The following PRKN variants were observed in gnomAD, a reference collection of about 807,000 sequenced individuals.
PRKN encodes the protein E3 ubiquitin-protein ligase parkin.
Under a neutral mutation model 59.5 loss-of-function variants are expected in PRKN, and 56 were observed. The observed-to-expected ratio is 0.94, with a 90% CI of 0.76 to 1.18. The LOEUF is 1.18. Among genes scored for constraint, PRKN ranks in the 50% most tolerant of loss-of-function variants. PRKN has a pLI of 0.00. For missense variants in PRKN, 657 were observed against 596.4 expected (o/e 1.10, Z -1.06); for synonymous variants, 250 against 222.1 (o/e 1.13, Z -1.12).
chr6:161,859,610 CA>C (rs57747027), intron 6 of PRKN, among the ~76,000 whole-genome samples: 2,193 of 90,314 alleles, frequency 0.024, 52 homozygotes, highest in African/African-American at 0.084. Context: ...GACTCTCTCT[CA>C]AAAAAAAAAA....
At chr6:162,311,481 C>CTTTTT (rs397886856) in intron 2 of PRKN, among the ~76,000 whole-genome samples, 1 of 128,536 alleles carries the variant, frequency 7.8e-6, no homozygotes, top group Non-Finnish European at 1.6e-5. Context: ...AATTTTTTTC[C>CTTTTT]TTTTTTTTTT....
chr6:161,651,401 GA>G (rs1784144936), intron 7 of PRKN, among the ~76,000 whole-genome samples: 1 of 152,164 alleles, frequency 6.6e-6, no homozygotes, highest in African/African-American at 2.4e-5. Context: ...TGTTCCTCCT[GA>G]ATAAGTCCCT....
At chr6:162,278,297 G>A (rs192201235) in intron 2 of PRKN, among the ~76,000 whole-genome samples, 46 of 152,274 alleles carry the variant, frequency 3.0e-4, no homozygotes, top group Middle Eastern at 3.4e-3. Context: ...ATGACGGAGG[G>A]ATGAATAGAG....
At chr6:162,241,753 C>T (rs1348659321) in intron 3 of PRKN, among the ~76,000 whole-genome samples, 2 of 151,998 alleles carry the variant, frequency 1.3e-5, no homozygotes, top group East Asian at 3.8e-4. Flanking sequence ...CATATATATA[C>T]AGGCTATTGA....
chr6:161,969,839 T>C (rs1377832384), intron 6 of PRKN, among the ~76,000 whole-genome samples: 1 of 152,178 alleles, frequency 6.6e-6, no homozygotes, highest in Non-Finnish European at 1.5e-5. Flanking sequence ...TGTTACCCTT[T>C]TTCTTTTCCT....
intron 8 of PRKN, among the ~76,000 whole-genome samples, chr6:161,553,038 C>T (rs971630852): frequency 2.6e-5 from 4 of 151,096 alleles, no homozygotes; most frequent in African/African-American, 9.7e-5. Flanking sequence ...ATCTGCCTGC[C>T]TCAGCCTCCC....
chr6:162,116,093 A>G (rs969888761), intron 4 of PRKN, among the ~76,000 whole-genome samples: 1 of 152,212 alleles, frequency 6.6e-6, no homozygotes, highest in African/African-American at 2.4e-5. Flanking sequence ...ACCCTTCAGC[A>G]AACTTCATGG....
intron 7 of PRKN, among the ~76,000 whole-genome samples, chr6:161,633,569 T>G (rs1417193961): frequency 6.6e-6 from 1 of 152,234 alleles, no homozygotes; most frequent in Non-Finnish European, 1.5e-5. Context: ...AGCCACATCA[T>G]ACTGTGGATA....
chr6:161,731,023 G>A (rs771161213), intron 7 of PRKN, among the ~76,000 whole-genome samples: 45 of 145,958 alleles, frequency 3.1e-4, no homozygotes, highest in Non-Finnish European at 4.7e-4. Context: ...TGCTGCATTC[G>A]TTCTGATATC....
intron 1 of PRKN, among the ~76,000 whole-genome samples, chr6:162,677,503 G>A (rs1779601439): frequency 7.1e-6 from 1 of 140,516 alleles, no homozygotes; most frequent in African/African-American, 2.6e-5. Flanking sequence ...CTTTGCACCT[G>A]AAATTATCAT....
intron 7 of PRKN, among the ~76,000 whole-genome samples, chr6:161,782,424 C>T (rs1008756203): frequency 1.1e-4 from 17 of 151,998 alleles, no homozygotes; most frequent in South Asian, 6.2e-4. Flanking sequence ...TTTTAATAAA[C>T]GTTTACCTTT....
intron 10 of PRKN, chr6:161,370,015 C>A: frequency 2.3e-6 from 1 of 441,910 alleles, no homozygotes; most frequent in South Asian, 1.6e-5. Context: ...ATGATCACCA[C>A]CATTATTACT....
intron 4 of PRKN, among the ~76,000 whole-genome samples, chr6:162,154,530 A>G (rs1381109939): frequency 1.3e-5 from 2 of 152,006 alleles, no homozygotes; most frequent in Non-Finnish European, 2.9e-5. Flanking sequence ...AGGAGAAAAA[A>G]AAAAAAAAGG....
chr6:162,427,819 G>C (rs576190963), intron 2 of PRKN, among the ~76,000 whole-genome samples: 9 of 151,784 alleles, frequency 5.9e-5, no homozygotes, highest in Non-Finnish European at 7.4e-5. Flanking sequence ...CTAATGTTTT[G>C]CATTTTTTTT....
At chr6:161,737,279 A>G (rs1788002471) in intron 7 of PRKN, among the ~76,000 whole-genome samples, 1 of 152,162 alleles carries the variant, frequency 6.6e-6, no homozygotes, top group African/African-American at 2.4e-5. Flanking sequence ...GGACTGCTTG[A>G]CCAGAACAAT....
At chr6:162,405,555 T>G (rs1421390358) in intron 2 of PRKN, among the ~76,000 whole-genome samples, 2 of 152,008 alleles carry the variant, frequency 1.3e-5, no homozygotes, top group Admixed American at 1.3e-4. Flanking sequence ...CCCCCAACAT[T>G]TACATGCTAA....
chr6:162,420,553 C>A (rs760985562), intron 2 of PRKN, among the ~76,000 whole-genome samples: 4 of 152,168 alleles, frequency 2.6e-5, no homozygotes, highest in Admixed American at 2.0e-4. Context: ...ACTCTTAAAA[C>A]TGCATTTATA....
intron 7 of PRKN, among the ~76,000 whole-genome samples, chr6:161,623,372 A>C (rs1782976902): frequency 6.6e-6 from 1 of 152,230 alleles, no homozygotes; most frequent in Non-Finnish European, 1.5e-5. Context: ...AATAATAGAT[A>C]CAAAAAGGAT....
At chr6:162,395,198 C>A (rs1583496220) in intron 2 of PRKN, among the ~76,000 whole-genome samples, 2 of 152,298 alleles carry the variant, frequency 1.3e-5, no homozygotes, top group Admixed American at 6.5e-5. Flanking sequence ...TACCTTCCCA[C>A]AATGAATTAT....
Sources: gnomAD v4.1 joint callset for allele counts (sites outside exome capture counted in the v4.1 genomes callset) on GRCh38, gnomAD v4.1.1 for gene constraint, MANE v1.5 for transcripts, NCBI Gene and HGNC (gene_info 2026-07-23, HGNC 2026-07-21) for gene names.